Variants in AFDN observed in about 807,000 individuals in gnomAD.
The protein encoded by AFDN is afadin.
A neutral mutation model predicts 216.6 loss-of-function variants in AFDN; 68 were observed. That is an observed-to-expected ratio of 0.31 (90% CI 0.26 to 0.38). The LOEUF (loss-of-function observed/expected upper bound fraction) is 0.38, where lower values mean the gene tolerates loss of function less well. AFDN is among the 10% of genes least tolerant of loss of function. The pLI, the probability that AFDN is intolerant of heterozygous loss-of-function variation, is 1.00. For synonymous variants in AFDN, 868 were observed against 853.7 expected (o/e 1.02, Z -0.29); for missense variants, 2,136 against 2,342.0 (o/e 0.91, Z 1.82).
intron 1 of AFDN, among the ~76,000 whole-genome samples, chr6:167,856,843 G>T (rs1057229990): frequency 2.6e-5 from 4 of 152,012 alleles, no homozygotes; most frequent in Non-Finnish European, 4.4e-5. Flanking sequence ...TATTTATTAA[G>T]CCTGTTTTAT....
chr6:167,947,829 T>A, intron 27 of AFDN, 24 bp from the exon 28 acceptor site: 1 of 1,524,850 alleles, frequency 6.6e-7, no homozygotes, highest in Non-Finnish European at 9.0e-7. Context: ...TTACACTTTT[T>A]TTTTTCCCCC....
chr6:167,844,458 T>G (rs190102489), intron 1 of AFDN, among the ~76,000 whole-genome samples: 1 of 152,358 alleles, frequency 6.6e-6, no homozygotes, highest in Non-Finnish European at 1.5e-5. Flanking sequence ...AATTATCTTT[T>G]TAGTAGCTGT....
chr6:167,880,412 G>C lies in AFDN; in HGVS notation c.792G>C (p.Lys264Asn). Residue 264 changes from lysine (K) to asparagine (N), a missense_variant, in exon 6 of 34, where the codon AAG becomes AAC. Lys to Asn is a moderately conservative substitution (Grantham distance 94, BLOSUM62 0). Transcript: ENST00000683244. ...GTTTAAAACCAAATATTCCCTACAA[G>C]ACAATCCTGCTGTCTACTACAGATC... is the stretch of plus-strand genomic sequence containing the variant. ...ADSLKPNIPY[K>N]TILLSTTDPA... The C allele has an allele frequency of 6.2e-7, 1 of 1,613,720 alleles. No homozygotes were observed. Among genetic ancestry groups the C allele is most frequent in the Non-Finnish European group, 8.5e-7 (1 of 1,179,734 alleles).
chr6:167,893,650 A>G (rs1787881605), intron 8 of AFDN: 2 of 533,546 alleles, frequency 3.7e-6, no homozygotes, highest in Admixed American at 6.2e-5. Flanking sequence ...AACAGTCTGC[A>G]TTGGTTTCTA....
chr6:167,904,973 G>T (rs780555841), intron 12 of AFDN, among the ~76,000 whole-genome samples: 1 of 152,154 alleles, frequency 6.6e-6, no homozygotes, highest in East Asian at 1.9e-4. Flanking sequence ...TCCTCTCAGC[G>T]TGTCTCTGTT....
In AFDN at chr6:167,872,179, A is replaced by G. The variant is rs1172877528; in HGVS notation, c.415-35A>G. The G allele has an allele frequency of 1.9e-6, 3 of 1,587,042 alleles. No individual in the cohort carries two copies. The East Asian group carries it at 6.7e-5, about 35-fold the overall frequency. On this transcript the variant is annotated intron_variant, in intron 3 of 33. Coordinates refer to ENST00000683244, the MANE Select transcript of AFDN (RefSeq NM_001386888.1). ...TAGGCAATTTTATGTGATTCTGCAT[A>G]GTAGTCAATATGGTGATAATGTTAC...
In AFDN at chr6:167,917,242, T is replaced by C. The variant is rs751866743; in HGVS notation, c.2709+10T>C. On this transcript the variant is annotated intron_variant, in intron 20 of 33. Coordinates refer to ENST00000683244, the MANE Select transcript of AFDN (RefSeq NM_001386888.1). ...GCCTTTTATCCCAACGGTGAGTGGA[T>C]GTTGCCACATTACCACACAGTGCGG... The C allele has an allele frequency of 1.9e-6, 3 of 1,580,142 alleles. No individual in the cohort carries two copies. In the African/African-American group the frequency reaches 4.1e-5, roughly 22 times the overall value.
chr6:167,928,224 T>A (rs1792818645), intron 23 of AFDN, among the ~76,000 whole-genome samples: 1 of 152,240 alleles, frequency 6.6e-6, no homozygotes, highest in African/African-American at 2.4e-5. Context: ...CAGCATTACC[T>A]TACAGCAGGG....
chr6:167,844,550 T>A (rs919660112), intron 1 of AFDN, among the ~76,000 whole-genome samples: 23 of 152,106 alleles, frequency 1.5e-4, no homozygotes, highest in African/African-American at 5.3e-4. Flanking sequence ...GTAATGCTGC[T>A]ATGAACATTT....
intron 3 of AFDN, among the ~76,000 whole-genome samples, chr6:167,871,718 G>A (rs1203140783): frequency 6.6e-6 from 1 of 152,100 alleles, no homozygotes; most frequent in Non-Finnish European, 1.5e-5. Context: ...ACTTACAACA[G>A]TTTCATAAAA....
At chr6:167,934,534 T>C (rs1260058933) in intron 23 of AFDN, among the ~76,000 whole-genome samples, 1 of 152,016 alleles carries the variant, frequency 6.6e-6, no homozygotes, top group Non-Finnish European at 1.5e-5. Context: ...GCGGGCAGAG[T>C]GTCAACAGAA....
chr6:167,888,697 C>G (rs931418339), intron 6 of AFDN, among the ~76,000 whole-genome samples: 4 of 151,838 alleles, frequency 2.6e-5, no homozygotes, highest in African/African-American at 9.7e-5. Context: ...AATGACTTGC[C>G]CTGTAATATA....
At chr6:167,903,090 G>T (rs1789197085) in intron 12 of AFDN, among the ~76,000 whole-genome samples, 1 of 152,158 alleles carries the variant, frequency 6.6e-6, no homozygotes, top group African/African-American at 2.4e-5. Flanking sequence ...TAACTTCTCA[G>T]ACACTTTGCT....
At chr6:167,913,981 G>A (rs1790732265) in intron 16 of AFDN, 187 bp from the exon 17 acceptor site, 1 of 558,112 alleles carries the variant, frequency 1.8e-6, no homozygotes, top group Non-Finnish European at 3.1e-6. Context: ...TAGTTGCAGT[G>A]GTTATTTACT....
chr6:167,886,583 A>G (rs535099437), intron 6 of AFDN, among the ~76,000 whole-genome samples: 32 of 152,334 alleles, frequency 2.1e-4, no homozygotes, highest in Middle Eastern at 6.8e-3. Flanking sequence ...CACAAGAACT[A>G]TATAGCAAGT....
At chr6:167,919,056 G>C in intron 21 of AFDN, 123 bp downstream of exon 21, 2 of 798,010 alleles carry the variant, frequency 2.5e-6, no homozygotes, top group Non-Finnish European at 2.0e-6. Flanking sequence ...GTCTGGAGAA[G>C]TCCGTGTTCC....
chr6:167,864,962 T>C, intron 2 of AFDN: 1 of 718,076 alleles, frequency 1.4e-6, no homozygotes, highest in South Asian at 1.4e-5. Flanking sequence ...GAAGTTAGAA[T>C]GAATATATTA....
chr6:167,940,148 G>A (rs1794507786), intron 23 of AFDN, among the ~76,000 whole-genome samples: 1 of 152,248 alleles, frequency 6.6e-6, no homozygotes, highest in South Asian at 2.1e-4. Flanking sequence ...GACTGGGCTG[G>A]AGACTTGCAT....
intron 5 of AFDN, among the ~76,000 whole-genome samples, chr6:167,876,887 G>A (rs1445684915): frequency 6.6e-6 from 1 of 151,972 alleles, no homozygotes; most frequent in Non-Finnish European, 1.5e-5. Context: ...AATTTGATAT[G>A]CTTTGTTAAT....
Sources: allele counts gnomAD v4.1 joint callset (sites outside exome capture counted in the v4.1 genomes callset), GRCh38; gene constraint gnomAD v4.1.1; transcripts MANE v1.5; gene names NCBI Gene and HGNC (gene_info 2026-07-23, HGNC 2026-07-21).